GLMN: variants seen among roughly 807,000 people sequenced by gnomAD.
GLMN encodes the protein glomulin, FKBP associated protein.
A neutral mutation model predicts 87.8 loss-of-function variants in GLMN; 75 were observed. The observed-to-expected ratio is 0.85, with a 90% CI of 0.71 to 1.04. The LOEUF (loss-of-function observed/expected upper bound fraction) is 1.04. GLMN is among the 50% of genes least tolerant of loss of function. GLMN has a pLI of 0.00. For synonymous variants in GLMN, 206 were observed against 221.6 expected (o/e 0.93, Z 0.63); for missense variants, 588 against 658.8 (o/e 0.89, Z 1.18).
chr1:92,294,870 G>A (rs1182683849), intron 3 of GLMN, among the ~76,000 whole-genome samples: 1 of 152,176 alleles, frequency 6.6e-6, no homozygotes, highest in Non-Finnish European at 1.5e-5. Context: ...GTGGAGACAG[G>A]GTTTCACCAT....
At chr1:92,247,431 A>G (rs1051775182) in intron 17 of GLMN, among the ~76,000 whole-genome samples, 3 of 152,230 alleles carry the variant, frequency 2.0e-5, no homozygotes, top group African/African-American at 4.8e-5. Context: ...TAGCCATTAT[A>G]CTAAAAACAA....
At chr1:92,334,731 A>T in the GLMN span, among the ~76,000 whole-genome samples, 1 of 152,092 alleles carries the variant, frequency 6.6e-6, no homozygotes, top group Non-Finnish European at 1.5e-5. Flanking sequence ...TCACACCTGT[A>T]ATCCCAGCAC....
chr1:92,281,789 T>G lies in GLMN; in HGVS notation c.735+4701A>C, dbSNP rs181444199. Among the ~76,000 whole-genome samples, 1,350 of 144,414 alleles carry G rather than the reference T, an allele frequency of 9.3e-3. 11 individuals are homozygous for G. The highest frequency in any genetic ancestry group is 0.016 in the Non-Finnish European group (1,070 of 66,104). 94.7% of individuals were successfully genotyped at this position (144,414 alleles called of 152,430 possible). Reference sequence around the variant, plus strand: ...GGTGGAGAAAGATCTACCAAGCAAATGGAAAGCAAAAAAAAAAAAGCAAGG... The same window carrying G: ...GGTGGAGAAAGATCTACCAAGCAAAGGGAAAGCAAAAAAAAAAAAGCAAGG... On this transcript the variant is annotated intron_variant, in intron 7 of 18. Transcript: ENST00000370360.
chr1:92,248,015 T>C (rs377485551), intron 16 of GLMN, 26 bp from the exon 17 acceptor site: 242 of 918,378 alleles, frequency 2.6e-4, no homozygotes, highest in Admixed American at 5.3e-4. Context: ...GAATGAGTTA[T>C]TTAGTTCAAC....
chr1:92,277,088 T>G lies in GLMN; in HGVS notation c.736-5436A>C, dbSNP rs114090533. On this transcript the variant is annotated intron_variant, in intron 7 of 18. Coordinates refer to ENST00000370360, the MANE Select transcript of GLMN (RefSeq NM_053274.3). Reference sequence around the variant, plus strand: ...AATCAATGACCAAATTTTGCCAATTTTACCTACTATAAAGTTCTCAAATCT... The same window carrying G: ...AATCAATGACCAAATTTTGCCAATTGTACCTACTATAAAGTTCTCAAATCT... 4.4e-3 allele frequency among the ~76,000 whole-genome samples: 677 copies of G among 152,292 alleles called. 3 individuals are homozygous for G. The highest frequency in any genetic ancestry group is 0.016 in the African/African-American group (646 of 41,552).
the GLMN span, among the ~76,000 whole-genome samples, chr1:92,321,386 TAA>T: frequency 6.6e-6 from 1 of 152,186 alleles, no homozygotes; most frequent in Admixed American, 6.5e-5. Flanking sequence ...AGATTCTAAC[TAA>T]AAGATGGTAT....
chr1:92,251,458 G>GGGT (rs780630879), intron 16 of GLMN, among the ~76,000 whole-genome samples: 14 of 152,060 alleles, frequency 9.2e-5, no homozygotes, highest in Middle Eastern at 3.4e-3. Flanking sequence ...ACTTGAAATG[G>GGGT]GGTCATTGAC....
At chr1:92,357,913 G>A in the GLMN span, among the ~76,000 whole-genome samples, 4 of 152,052 alleles carry the variant, frequency 2.6e-5, no homozygotes, top group Non-Finnish European at 5.9e-5. Flanking sequence ...TTTGTTTTTT[G>A]TGGAGTTTCA....
intron 16 of GLMN, among the ~76,000 whole-genome samples, chr1:92,253,927 T>A (rs1653878763): frequency 6.6e-6 from 1 of 152,190 alleles, no homozygotes; most frequent in Non-Finnish European, 1.5e-5. Context: ...TTTGATGAAC[T>A]GACAGAAGTA....
At chr1:92,292,407 T>C (rs1423262088) in intron 3 of GLMN, among the ~76,000 whole-genome samples, 1 of 151,598 alleles carries the variant, frequency 6.6e-6, no homozygotes, top group African/African-American at 2.4e-5. Context: ...GTTAAATACA[T>C]TCTTATTTAT....
chr1:92,364,596 C>G, the GLMN span, among the ~76,000 whole-genome samples: 1 of 152,036 alleles, frequency 6.6e-6, no homozygotes, highest in African/African-American at 2.4e-5. Context: ...TCAAATGGCC[C>G]CTTTTGGTGG....
intron 17 of GLMN, 91 bp downstream of exon 17, chr1:92,247,787 A>AT: frequency 2.8e-6 from 2 of 716,526 alleles, no homozygotes; most frequent in Non-Finnish European, 5.1e-6. Flanking sequence ...AAAGTACAAG[A>AT]TTTTTAAAAA....
At chr1:92,333,702 G>A in the GLMN span, among the ~76,000 whole-genome samples, 1 of 152,192 alleles carries the variant, frequency 6.6e-6, no homozygotes, top group Non-Finnish European at 1.5e-5. Flanking sequence ...GGAAGGTTGA[G>A]ATTGTGGGTT....
At chr1:92,337,757 C>T in the GLMN span, among the ~76,000 whole-genome samples, 8 of 151,620 alleles carry the variant, frequency 5.3e-5, no homozygotes, top group Admixed American at 5.3e-4. Flanking sequence ...GGAATTTTTC[C>T]AACTCATGAT....
chr1:92,314,937 C>T, the GLMN span, among the ~76,000 whole-genome samples: 687 of 148,958 alleles, frequency 4.6e-3, 2 homozygotes, highest in Non-Finnish European at 7.7e-3. Context: ...CCCAGCTACT[C>T]GGGAGGCTGA....
the GLMN span, among the ~76,000 whole-genome samples, chr1:92,319,388 C>T: frequency 5.9e-5 from 9 of 152,266 alleles, no homozygotes; most frequent in East Asian, 1.7e-3. Context: ...TTATCTATAA[C>T]ATGGGGATAA....
chr1:92,365,357 AAT>A, the GLMN span, among the ~76,000 whole-genome samples: 1 of 151,902 alleles, frequency 6.6e-6, no homozygotes, highest in Admixed American at 6.6e-5. Flanking sequence ...AGTTGTTTTC[AAT>A]ACTGGCTATA....
At chr1:92,366,222 G>A in the GLMN span, among the ~76,000 whole-genome samples, 1 of 152,146 alleles carries the variant, frequency 6.6e-6, no homozygotes, top group Non-Finnish European at 1.5e-5. Context: ...AGGATTGCTT[G>A]AGCCCAGGAG....
chr1:92,306,127 A>G, the GLMN span, among the ~76,000 whole-genome samples: 36 of 152,362 alleles, frequency 2.4e-4, no homozygotes, highest in African/African-American at 8.4e-4. Flanking sequence ...GCCAGCACAA[A>G]AGGACAAATA....
Sources: allele counts gnomAD v4.1 joint callset (sites outside exome capture counted in the v4.1 genomes callset), GRCh38; gene constraint gnomAD v4.1.1; transcripts MANE v1.5; gene names NCBI Gene and HGNC (gene_info 2026-07-23, HGNC 2026-07-21).